Variants in PDE8B observed in about 807,000 individuals in gnomAD.
PDE8B encodes high affinity cAMP-specific and IBMX-insensitive 3',5'-cyclic phosphodiesterase 8B.
PDE8B carries 26 observed loss-of-function variants against 101.3 expected under a neutral mutation model. The observed-to-expected ratio is 0.26, with a 90% confidence interval of 0.19 to 0.36. The LOEUF is 0.36. Ranked by LOEUF, PDE8B falls within the 10% of genes least tolerant of loss-of-function variation. The pLI is 1.00. For synonymous variants in PDE8B, 424 were observed against 429.3 expected (o/e 0.99, Z 0.15); for missense variants, 810 against 1,163.1 (o/e 0.70, Z 4.42).
At chr5:77,146,584 C>T in the PDE8B span, 42 of 240,428 alleles carry the variant, frequency 1.7e-4, no homozygotes, top group Non-Finnish European at 2.8e-4. Context: ...AAAAGAGATC[C>T]ATGGAACCTG....
rs1251512966 is a variant in PDE8B at position 77,235,178 on chromosome 5, C to T, written c.339+23914C>T. Reference sequence around the variant, plus strand: ...GAATAATCCCATAGCCCTACCCTACCTTCCTTCTGGTATTTACCTGTTGGT... The same window carrying T: ...GAATAATCCCATAGCCCTACCCTACTTTCCTTCTGGTATTTACCTGTTGGT... On this transcript the variant is annotated intron_variant, in intron 1 of 21. Coordinates refer to ENST00000264917, the MANE Select transcript of PDE8B (RefSeq NM_003719.5). Among the ~76,000 whole-genome samples, 4 of 152,188 alleles carry T rather than the reference C, an allele frequency of 2.6e-5. No individual in the cohort carries two copies. In the South Asian group the frequency reaches 6.2e-4, roughly 24 times the overall value.
At chr5:77,119,243 A>C in the PDE8B span, 1 of 152,152 alleles carries the variant, frequency 6.6e-6, no homozygotes, top group Non-Finnish European at 1.5e-5. Context: ...AATTGGTACA[A>C]CTTTGGAAAG....
the PDE8B span, chr5:77,140,820 C>G: frequency 6.6e-6 from 1 of 152,180 alleles, no homozygotes. Context: ...TAAGTTATTG[C>G]TGTCAGATGT....
At chr5:77,405,463 G>A (rs185003013) in intron 12 of PDE8B, among the ~76,000 whole-genome samples, 2 of 152,196 alleles carry the variant, frequency 1.3e-5, no homozygotes, top group African/African-American at 4.8e-5. Context: ...TTTTAATGGA[G>A]ATGGCTAGGA....
chr5:77,181,808 G>A, the PDE8B span, among the ~76,000 whole-genome samples: 464 of 152,286 alleles, frequency 3.0e-3, 2 homozygotes, highest in African/African-American at 0.011. Flanking sequence ...AGAAGAGAGA[G>A]TTCCTCTAAA....
At chr5:77,194,628 G>A in the PDE8B span, among the ~76,000 whole-genome samples, 1 of 151,888 alleles carries the variant, frequency 6.6e-6, no homozygotes, top group Non-Finnish European at 1.5e-5. Context: ...CCCAGCCCCT[G>A]GCAAGCACCT....
the PDE8B span, among the ~76,000 whole-genome samples, chr5:77,095,168 T>G: frequency 2.0e-5 from 3 of 146,476 alleles, no homozygotes; most frequent in Non-Finnish European, 4.4e-5. Flanking sequence ...TTCCCAGATG[T>G]TTTTTTTTGC....
chr5:77,291,507 G>A (rs578146493), intron 1 of PDE8B: 10 of 1,609,020 alleles, frequency 6.2e-6, no homozygotes, highest in Non-Finnish European at 8.5e-6. Context: ...CAAGAATGAA[G>A]AAGAGGTCTT....
chr5:77,268,488 C>A (rs1443672885), intron 1 of PDE8B, among the ~76,000 whole-genome samples: 1 of 151,420 alleles, frequency 6.6e-6, no homozygotes, highest in Non-Finnish European at 1.5e-5. Context: ...ATTAACCATC[C>A]CCAGTTCCTG....
At chr5:77,319,912 T>C (rs1280035245) in intron 2 of PDE8B, among the ~76,000 whole-genome samples, 1 of 152,246 alleles carries the variant, frequency 6.6e-6, no homozygotes, top group Non-Finnish European at 1.5e-5. Context: ...TCCAAACTAC[T>C]CTTGATAAAT....
chr5:77,350,958 G>T, intron 8 of PDE8B, 107 bp from the exon 9 acceptor site: 1 of 812,682 alleles, frequency 1.2e-6, no homozygotes, highest in South Asian at 1.4e-5. Context: ...ATTGGGAAAT[G>T]TAACGAGAGC....
intron 20 of PDE8B, among the ~76,000 whole-genome samples, chr5:77,422,520 CTT>C (rs1796887708): frequency 6.6e-6 from 1 of 152,110 alleles, no homozygotes; most frequent in Non-Finnish European, 1.5e-5. Context: ...TAGGAAAAGA[CTT>C]TCTGGAAGAA....
intron 10 of PDE8B, among the ~76,000 whole-genome samples, chr5:77,384,798 C>T (rs76866188): frequency 1.3e-5 from 2 of 152,252 alleles, no homozygotes; most frequent in Non-Finnish European, 1.5e-5. Flanking sequence ...TATGTCTAAC[C>T]AGCCATGCAT....
chr5:77,298,861 A>G (rs1474614703), intron 1 of PDE8B, among the ~76,000 whole-genome samples: 1 of 152,258 alleles, frequency 6.6e-6, no homozygotes, highest in Non-Finnish European at 1.5e-5. Context: ...TACCTCCACC[A>G]GGTAAAGTGA....
chr5:77,194,717 G>A, the PDE8B span, among the ~76,000 whole-genome samples: 1,167 of 152,136 alleles, frequency 7.7e-3, 5 homozygotes, highest in Middle Eastern at 0.024. Flanking sequence ...GTCTGGCTTC[G>A]TTCACTTAGC....
At chr5:77,291,111 G>T in intron 1 of PDE8B, 1 of 1,611,186 alleles carries the variant, frequency 6.2e-7, no homozygotes, top group Non-Finnish European at 8.5e-7. Context: ...TGAAGATGCA[G>T]ACCTCAGCTT....
the PDE8B span, chr5:77,146,825 CG>C: frequency 8.4e-6 from 3 of 355,264 alleles, no homozygotes; most frequent in South Asian, 5.6e-5. Flanking sequence ...CCCTTTAGGA[CG>C]AAAAAGTAGT....
At chr5:77,354,866 A>C (rs989626449) in intron 10 of PDE8B, among the ~76,000 whole-genome samples, 1 of 152,180 alleles carries the variant, frequency 6.6e-6, no homozygotes, top group Non-Finnish European at 1.5e-5. Flanking sequence ...CAGTGCAAGA[A>C]ACATTAAGTA....
At chr5:77,247,760 T>G (rs1757266428) in intron 1 of PDE8B, among the ~76,000 whole-genome samples, 1 of 152,094 alleles carries the variant, frequency 6.6e-6, no homozygotes, top group African/African-American at 2.4e-5. Flanking sequence ...CAGTGTTCTG[T>G]AGAGATTTGG....
Sources: gnomAD v4.1 joint callset for allele counts (sites outside exome capture counted in the v4.1 genomes callset) on GRCh38, gnomAD v4.1.1 for gene constraint, MANE v1.5 for transcripts, NCBI Gene and HGNC (gene_info 2026-07-23, HGNC 2026-07-21) for gene names.